SLC9A5: variants seen among roughly 807,000 people sequenced by gnomAD.
SLC9A5 encodes the protein sodium/hydrogen exchanger 5.
A neutral mutation model predicts 91.7 loss-of-function variants in SLC9A5; 52 were observed. The observed-to-expected ratio is 0.57, with a 90% confidence interval of 0.45 to 0.71. The LOEUF is 0.71. Ranked by LOEUF, SLC9A5 falls within the 30% of genes least tolerant of loss-of-function variation. SLC9A5 has a pLI of 0.00. For synonymous variants in SLC9A5, 419 were observed against 474.5 expected (o/e 0.88, Z 1.52); for missense variants, 871 against 1,158.9 (o/e 0.75, Z 3.61).
chr16:67,268,689 TATATATATATATATATATATA>T (rs2035814440), intron 15 of SLC9A5, among the ~76,000 whole-genome samples: 5 of 79,558 alleles, frequency 6.3e-5, no homozygotes, highest in South Asian at 4.4e-4. Context: ...TATATATATA[TATATATATATATATATATATA>T]TTTTTACAGT....
Position 67,256,548 on chromosome 16 carries a change from A to G in SLC9A5, c.991A>G (p.Thr331Ala). The change falls in exon 6 of 16, where the codon ACA becomes GCA. Residue 331 changes from threonine (T) to alanine (A), a missense_variant. Thr to Ala is a moderately conservative substitution (Grantham distance 58). Around this residue, in one of 3 missense-constraint regions of SLC9A5, gnomAD observed 454 missense variants for 718.3 expected, o/e 0.63. Transcript: ENST00000299798. This position sits in a 1 kb window ranked among gnomAD's most constrained non-coding sequence, Gnocchi z 4.1. ...SHKSRTTVKY[T>A]MKTLASCAET... is the part of the protein sequence containing the mutation. ...TAAGTCACGCACAACTGTCAAATAT[A>G]CAATGAAGACTCTAGCCAGCTGTGC... is the stretch of plus-strand genomic sequence containing the variant. The G allele has an allele frequency of 6.2e-7, 1 of 1,613,984 alleles. No individual in the cohort carries two copies. The highest frequency in any genetic ancestry group is 8.5e-7 in the Non-Finnish European group (1 of 1,179,946).
In SLC9A5 at chr16:67,255,769, C is replaced by T; in HGVS notation, c.750C>T (p.Val250=). The T allele has an allele frequency of 6.3e-7, 1 of 1,579,220 alleles. No individual in the cohort carries two copies. Among genetic ancestry groups the T allele is most frequent in the East Asian group, 2.3e-5 (1 of 43,534 alleles). Residue 250 remains valine, a synonymous_variant, in exon 5 of 16, where the codon GTC becomes GTT. Transcript: ENST00000299798. This position sits in a 1 kb window ranked among gnomAD's most constrained non-coding sequence, Gnocchi z 4.9. ...YLKGVASLFV[V]SLGGAAVGLV... The stretch of plus-strand genomic sequence containing the variant: ...CTCCCCCAGCCTCCCTGTTTGTGGT[C>T]AGTCTGGGCGGGGCAGCCGTGGGCT...
intron 2 of SLC9A5, among the ~76,000 whole-genome samples, chr16:67,253,873 A>G (rs1485674659): frequency 6.6e-6 from 1 of 152,102 alleles, no homozygotes; most frequent in Non-Finnish European, 1.5e-5. Context: ...CTCTCTTGCT[A>G]CCTTCTTTAT....
Position 67,256,858 on chromosome 16 carries a change from C to A in SLC9A5, c.1133-53C>A. The A allele has an allele frequency of 1.9e-6, 3 of 1,572,296 alleles. No homozygotes were observed. Among genetic ancestry groups the A allele is most frequent in the South Asian group, 1.1e-5 (1 of 89,326 alleles). On this transcript the variant is annotated intron_variant, in intron 6 of 15. Transcript: ENST00000299798. The surrounding 1 kb of genome is among the most constrained non-coding windows in gnomAD (Gnocchi z 4.1). The stretch of plus-strand genomic sequence containing the variant: ...CCCAGATACTTGGTCCCATCCGGTC[C>A]CACGTCCTCCACTCCCAACGCTTTG...
rs1187108235 is a variant in SLC9A5, at chr16:67,252,887, C to G, written c.490+43C>G. 3.3e-6 allele frequency: 5 copies of G among 1,533,890 alleles called. No homozygotes were observed. Among genetic ancestry groups the G allele is most frequent in the African/African-American group, 1.4e-5 (1 of 73,538 alleles). ...CTGGGCTTTGCCAGACCCATCACCC[C>G]TCTCCCTTCTCCTCAAGCTCTGGAG... On this transcript the variant is annotated intron_variant, in intron 2 of 15. Coordinates refer to ENST00000299798, the MANE Select transcript of SLC9A5 (RefSeq NM_004594.3). This position sits in a 1 kb window ranked among gnomAD's most constrained non-coding sequence, Gnocchi z 4.0.
In SLC9A5 at chr16:67,255,235, G is replaced by T; in HGVS notation, c.654+51G>T. 1.3e-6 allele frequency: 2 copies of T among 1,592,176 alleles called. No individual in the cohort carries two copies. Among genetic ancestry groups the T allele is most frequent in the South Asian group, 2.3e-5 (2 of 88,642 alleles). ...TCCCTGACCCCAGGCTGCATGCTCTGACCAACTAGGGGTCTGCGCAGACTC... is the reference window on the plus strand; with the variant it reads ...TCCCTGACCCCAGGCTGCATGCTCTTACCAACTAGGGGTCTGCGCAGACTC... On this transcript the variant is annotated intron_variant, in intron 3 of 15. Coordinates refer to ENST00000299798, the MANE Select transcript of SLC9A5 (RefSeq NM_004594.3). This position sits in a 1 kb window ranked among gnomAD's most constrained non-coding sequence, Gnocchi z 4.9.
rs1403463457 is a variant in SLC9A5 at position 67,256,915 on chromosome 16, A to T, written c.1137A>T (p.Val379=). The part of the protein sequence containing the change: ...IFILFFRALG[V]VLQTWVLNQF... ...CTGGCCTCCCTCCCGCTGTAGGCGT[A>T]GTCCTGCAGACCTGGGTGCTGAATC... The change falls in exon 7 of 16, where the codon GTA becomes GTT. Residue 379 remains valine (V), a synonymous_variant. Coordinates refer to ENST00000299798, the MANE Select transcript of SLC9A5 (RefSeq NM_004594.3). This position sits in a 1 kb window ranked among gnomAD's most constrained non-coding sequence, Gnocchi z 4.1. The T allele has an allele frequency of 6.2e-7, 1 of 1,613,728 alleles. No individual in the cohort carries two copies.
chr16:67,258,459 G>A lies in SLC9A5; in HGVS notation c.1626+12G>A. 6.2e-7 allele frequency: 1 copy of A among 1,614,004 alleles called. No individual in the cohort carries two copies. Among genetic ancestry groups the A allele is most frequent in the Non-Finnish European group, 8.5e-7 (1 of 1,179,964 alleles). ...GCTTTGTGGACCAGGTGGGCCAGCA[G>A]CTTCCAGGTGGGCCAGTGGTGGGTG... On this transcript the variant is annotated intron_variant, in intron 10 of 15. Coordinates refer to ENST00000299798, the MANE Select transcript of SLC9A5 (RefSeq NM_004594.3). This position sits in a 1 kb window ranked among gnomAD's most constrained non-coding sequence, Gnocchi z 4.5.
rs1041907806 is a variant in SLC9A5, at chr16:67,255,763, T to G, written c.744T>G (p.Phe248Leu). 1 of 1,575,500 alleles carries G rather than the reference T, an allele frequency of 6.3e-7. No individual in the cohort carries two copies. The highest frequency in any genetic ancestry group is 1.3e-5 in the African/African-American group (1 of 74,266). ...CCACTCCTCCCCCAGCCTCCCTGTT[T>G]GTGGTCAGTCTGGGCGGGGCAGCCG... ...TDYLKGVASL[F>L]VVSLGGAAVG... The change falls in exon 5 of 16, where the codon TTT becomes TTG. Residue 248 changes from phenylalanine (F) to leucine (L), a missense_variant. Coordinates refer to ENST00000299798, the MANE Select transcript of SLC9A5 (RefSeq NM_004594.3). This position sits in a 1 kb window ranked among gnomAD's most constrained non-coding sequence, Gnocchi z 4.9.
rs2035392196 is a variant in SLC9A5 at position 67,258,295 on chromosome 16, GCC to G, written c.1497-22_1497-21del. 1.2e-6 allele frequency: 2 copies of G among 1,612,402 alleles called. No individual in the cohort carries two copies. Among genetic ancestry groups the G allele is most frequent in the African/African-American group, 2.7e-5 (2 of 74,944 alleles). On this transcript the variant is annotated intron_variant, in intron 9 of 15. Transcript: ENST00000299798. This position sits in a 1 kb window ranked among gnomAD's most constrained non-coding sequence, Gnocchi z 4.5. The stretch of plus-strand genomic sequence containing the variant: ...CCAGGCCTTGGGAATGGGACTCAGG[GCC>G]GGGCCTGGCATCCTCTGTAGGTGGG...
intron 1 of SLC9A5, among the ~76,000 whole-genome samples, chr16:67,249,754 C>T (rs950708756): frequency 6.6e-6 from 1 of 152,110 alleles, no homozygotes; most frequent in African/African-American, 2.4e-5. Context: ...TGTATGGGTA[C>T]CCCCCCAACC....
In SLC9A5 at chr16:67,271,230, G is replaced by A; in HGVS notation, c.*20G>A. 6.3e-7 allele frequency: 1 copy of A among 1,591,874 alleles called. No homozygotes were observed. Among genetic ancestry groups the A allele is most frequent in the Non-Finnish European group, 8.6e-7 (1 of 1,169,174 alleles). On this transcript the variant is annotated 3_prime_UTR_variant, in exon 16 of 16. Transcript: ENST00000299798. Reference sequence around the variant, plus strand: ...CTGTAGCTCAAGGCCTCGGGGAGGAGCAGGAGGTGGAATCCCTGTGGGAAG... The same window carrying A: ...CTGTAGCTCAAGGCCTCGGGGAGGAACAGGAGGTGGAATCCCTGTGGGAAG...
rs1438480606 is a variant in SLC9A5, at chr16:67,258,283, A to T, written c.1497-35A>T. 3 of 1,610,902 alleles carry T rather than the reference A, an allele frequency of 1.9e-6. No homozygotes were observed. The East Asian group carries it at 6.7e-5, about 36-fold the overall frequency. ...AGGGCCACCTGGCCAGGCCTTGGGAATGGGACTCAGGGCCGGGCCTGGCAT... is the reference window on the plus strand; with the variant it reads ...AGGGCCACCTGGCCAGGCCTTGGGATTGGGACTCAGGGCCGGGCCTGGCAT... On this transcript the variant is annotated intron_variant, in intron 9 of 15. Transcript: ENST00000299798. This position sits in a 1 kb window ranked among gnomAD's most constrained non-coding sequence, Gnocchi z 4.5.
chr16:67,269,030 G>T (rs544365284), intron 15 of SLC9A5, among the ~76,000 whole-genome samples: 1 of 151,824 alleles, frequency 6.6e-6, no homozygotes, highest in Non-Finnish European at 1.5e-5. Context: ...ATTTACTGAA[G>T]AAACCTGCTT....
rs377060134 is a variant in SLC9A5 at position 67,264,497 on chromosome 16, G to A, written c.1988G>A (p.Arg663Gln). ...ATCTGCTTCACCAAGAGCAAGCCAC[G>A]ACCCCGCAAGACTGGCCGCAGGAAG... ...HNICFTKSKP[R>Q]PRKTGRRKKD... Residue 663 changes from arginine to glutamine, a missense_variant, in exon 13 of 16, where the codon CGA becomes CAA. Physicochemically the swap from Arg to Gln is conservative, Grantham distance 43 (BLOSUM62 1). This residue lies in a region of SLC9A5 where 295 missense variants were observed against 326.0 expected (regional missense o/e 0.90). Transcript: ENST00000299798. The A allele has an allele frequency of 2.5e-5, 41 of 1,614,054 alleles. No individual in the cohort carries two copies. The highest frequency in any genetic ancestry group is 1.5e-5 in the Non-Finnish European group (18 of 1,180,036).
Position 67,249,159 on chromosome 16 carries a change from C to A in SLC9A5, c.145C>A (p.Leu49Met). The part of the protein sequence containing the change: ...WQWHEVEAPY[L>M]VALWILVASL... ...GTGGCACGAGGTGGAGGCGCCCTAC[C>A]TGGTGGCCCTGTGGATCCTGGTGGC... The change falls in exon 1 of 16, where the codon CTG becomes ATG. Residue 49 changes from leucine to methionine, a missense_variant. Physicochemically the swap from Leu to Met is conservative, Grantham distance 15. Around this residue, in one of 3 missense-constraint regions of SLC9A5, gnomAD observed 122 missense variants for 114.5 expected, o/e 1.07. Transcript: ENST00000299798. 6.4e-7 allele frequency: 1 copy of A among 1,563,234 alleles called. No homozygotes were observed.
In SLC9A5 at chr16:67,270,690, G is replaced by A; in HGVS notation, c.2219-48G>A. The A allele has an allele frequency of 1.6e-6, 2 of 1,285,652 alleles. No homozygotes were observed. Among genetic ancestry groups the A allele is most frequent in the Non-Finnish European group, 1.1e-6 (1 of 936,518 alleles). The allele number at this position is 1,285,652 out of a possible 1,614,324, so 79.6% of individuals were successfully genotyped here. Reference sequence around the variant, plus strand: ...TTTATAAGAATGTGCTTATACTTGAGATTTCCACTGTATTGGTAATGAGTT... The same window carrying A: ...TTTATAAGAATGTGCTTATACTTGAAATTTCCACTGTATTGGTAATGAGTT... On this transcript the variant is annotated intron_variant, in intron 15 of 15. Transcript: ENST00000299798. This position sits in a 1 kb window ranked among gnomAD's most constrained non-coding sequence, Gnocchi z 4.3.
chr16:67,269,181 C>A (rs564170850), intron 15 of SLC9A5, among the ~76,000 whole-genome samples: 2 of 151,790 alleles, frequency 1.3e-5, no homozygotes, highest in Non-Finnish European at 2.9e-5. Context: ...TCCAGCACTT[C>A]GGGAGGCCAA....
Position 67,255,673 on chromosome 16 carries a change from A to G in SLC9A5, c.734-80A>G. 6.8e-7 allele frequency: 1 copy of G among 1,460,802 alleles called. No homozygotes were observed. The highest frequency in any genetic ancestry group is 9.3e-7 in the Non-Finnish European group (1 of 1,077,914). 90.5% of individuals were successfully genotyped at this position (1,460,802 alleles called of 1,614,324 possible). A position where few individuals can be genotyped will look rare whatever the true frequency, so the allele number is the denominator to read the frequency against. On this transcript the variant is annotated intron_variant, in intron 4 of 15. Transcript: ENST00000299798. This position sits in a 1 kb window ranked among gnomAD's most constrained non-coding sequence, Gnocchi z 4.9. ...GGGAGTGCGGTGGGCATCATCCCTC[A>G]CTCCCTGCCAGGCAGCAGTCTTGTC...
Sources: allele counts gnomAD v4.1 joint callset (sites outside exome capture counted in the v4.1 genomes callset), GRCh38; gene constraint gnomAD v4.1.1; regional missense constraint gnomAD v4.1.1; non-coding constraint Gnocchi (gnomAD v3.1); transcripts MANE v1.5; gene names NCBI Gene and HGNC (gene_info 2026-07-23, HGNC 2026-07-21).